MGRN1: variants seen among roughly 807,000 people sequenced by gnomAD.
MGRN1 encodes the protein E3 ubiquitin-protein ligase MGRN1.
MGRN1 carries 29 observed loss-of-function variants against 69.2 expected under a neutral mutation model. The ratio of observed to expected loss-of-function variants is 0.42; its 90% CI spans 0.31 to 0.57. The LOEUF is 0.57. MGRN1 is among the 20% of genes least tolerant of loss of function. The pLI, the probability that MGRN1 is intolerant of heterozygous loss-of-function variation, is 0.15. For synonymous variants in MGRN1, 470 were observed against 344.2 expected (o/e 1.37, Z -4.04); for missense variants, 998 against 796.2 (o/e 1.25, Z -3.05).
chr16:4,665,934 A>G (rs1243485419), intron 7 of MGRN1, among the ~76,000 whole-genome samples: 1 of 150,290 alleles, frequency 6.7e-6, no homozygotes, highest in African/African-American at 2.5e-5. Context: ...GGTTCATGCC[A>G]TTCTCCTCCC....
At chr16:4,652,083 G>T (rs779481137) in intron 3 of MGRN1, 32 bp downstream of exon 3, 1 of 1,599,980 alleles carries the variant, frequency 6.3e-7, no homozygotes, top group Admixed American at 1.7e-5. Flanking sequence ...GGACCCTGTG[G>T]CTCTGTGGGG....
intron 16 of MGRN1, among the ~76,000 whole-genome samples, chr16:4,685,204 T>A (rs1392740262): frequency 6.6e-6 from 1 of 152,108 alleles, no homozygotes; most frequent in Non-Finnish European, 1.5e-5. Context: ...GATTAAAAAC[T>A]TGGGGGGTGA....
At position 4,661,386 on chromosome 16, in the gene MGRN1, C is replaced by G. The variant is rs549945940; in HGVS notation, c.562-3323C>G. On this transcript the variant is annotated intron_variant, in intron 5 of 16. Coordinates refer to ENST00000262370, the MANE Select transcript of MGRN1 (RefSeq NM_015246.4). ...CCCTTTTCTCCTGCACCCTCCAGCCCTCTCCCGGAGGAGGCTGGGTCGGCT... is the reference window on the plus strand; with the variant it reads ...CCCTTTTCTCCTGCACCCTCCAGCCGTCTCCCGGAGGAGGCTGGGTCGGCT... Among the ~76,000 whole-genome samples, 5 of 152,350 alleles carry G rather than the reference C, an allele frequency of 3.3e-5. No homozygotes were observed. In the East Asian group the frequency reaches 5.8e-4, roughly 18 times the overall value.
At chr16:4,627,039 C>T (rs78480794) in intron 1 of MGRN1, among the ~76,000 whole-genome samples, 6,796 of 152,230 alleles carry the variant, frequency 0.045, 325 homozygotes, top group African/African-American at 0.12. Context: ...GCACTGGTTT[C>T]CTAGACTCCC....
intron 12 of MGRN1, chr16:4,680,523 T>TCCCTTGTGCCC (rs2079157295): frequency 5.7e-6 from 1 of 176,116 alleles, no homozygotes; most frequent in East Asian, 1.8e-4. Context: ...TCCTTGGGCT[T>TCCCTTGTGCCC]CCCTTGTGCC....
chr16:4,686,498 G>C (rs1385561405), intron 16 of MGRN1: 1 of 1,384,112 alleles, frequency 7.2e-7, no homozygotes, highest in Non-Finnish European at 9.3e-7. Flanking sequence ...GTGGCCTCCT[G>C]GGGGGTCCTG....
intron 16 of MGRN1, chr16:4,686,980 C>A (rs971710746): frequency 1.0e-6 from 1 of 985,536 alleles, no homozygotes; most frequent in Non-Finnish European, 1.2e-6. Flanking sequence ...TGCGTCCTGT[C>A]CTGAGGGCGT....
intron 5 of MGRN1, among the ~76,000 whole-genome samples, chr16:4,660,326 T>C (rs1420439201): frequency 6.6e-6 from 1 of 152,238 alleles, no homozygotes; most frequent in African/African-American, 2.4e-5. Flanking sequence ...GTGATCAGCA[T>C]GCAAAGGGCT....
In MGRN1 at chr16:4,673,319, C is replaced by T. The variant is rs373383061; in HGVS notation, c.796-179C>T. Reference sequence around the variant, plus strand: ...CCCCCTCTGCCAGGTGCTGAGTTTGCACTGGATTTGAGCCTGGTGATTCTG... The same window carrying T: ...CCCCCTCTGCCAGGTGCTGAGTTTGTACTGGATTTGAGCCTGGTGATTCTG... On this transcript the variant is annotated intron_variant, in intron 9 of 16. Coordinates refer to ENST00000262370, the MANE Select transcript of MGRN1 (RefSeq NM_015246.4). Among the ~76,000 whole-genome samples the T allele has an allele frequency of 1.8e-3, 271 of 152,192 alleles. 2 individuals are homozygous for T. Among genetic ancestry groups the T allele is most frequent in the African/African-American group, 6.5e-3 (268 of 41,506 alleles).
At chr16:4,655,077 C>T (rs969051025) in intron 4 of MGRN1, among the ~76,000 whole-genome samples, 6 of 152,198 alleles carry the variant, frequency 3.9e-5, no homozygotes, top group Non-Finnish European at 5.9e-5. Flanking sequence ...TCCTTGCACC[C>T]CACTGCTTGG....
chr16:4,673,457 C>T, intron 9 of MGRN1, 41 bp from the exon 10 acceptor site: 1 of 1,600,636 alleles, frequency 6.2e-7, no homozygotes, highest in Non-Finnish European at 8.5e-7. Flanking sequence ...CGTACTCTGG[C>T]CTTTGGGAGG....
chr16:4,687,524 A>ACGGGGGGGG, intron 16 of MGRN1: 2 of 980,844 alleles, frequency 2.0e-6, no homozygotes, highest in African/African-American at 1.8e-5. Context: ...AAAAAAATAC[A>ACGGGGGGGG]CACACACCCA....
intron 1 of MGRN1, among the ~76,000 whole-genome samples, chr16:4,645,715 C>T (rs776669192): frequency 6.6e-6 from 1 of 152,120 alleles, no homozygotes; most frequent in African/African-American, 2.4e-5. Flanking sequence ...CTGAGGACTC[C>T]AGGGCCCCGA....
intron 1 of MGRN1, among the ~76,000 whole-genome samples, chr16:4,647,851 TC>T (rs1039372881): frequency 1.3e-5 from 2 of 152,112 alleles, no homozygotes; most frequent in African/African-American, 4.8e-5. Flanking sequence ...GGGCTGCGGC[TC>T]CCAACCACTG....
At chr16:4,686,678 G>A in intron 16 of MGRN1, 2 of 1,063,526 alleles carry the variant, frequency 1.9e-6, no homozygotes, top group African/African-American at 1.7e-5. Flanking sequence ...GATGAGGGCA[G>A]CACCGTGGAG....
At chr16:4,632,902 G>A (rs139892319) in intron 1 of MGRN1, among the ~76,000 whole-genome samples, 1 of 152,148 alleles carries the variant, frequency 6.6e-6, no homozygotes, top group Non-Finnish European at 1.5e-5. Flanking sequence ...GGGCAACACG[G>A]CAAAACCTTG....
At chr16:4,652,849 C>T (rs746432960) in intron 4 of MGRN1, 25 bp downstream of exon 4, 21 of 1,572,546 alleles carry the variant, frequency 1.3e-5, no homozygotes, top group South Asian at 1.0e-4. Flanking sequence ...CGGCTGGCAC[C>T]GGCCTGGCTG....
chr16:4,673,050 G>A (rs1413059538), intron 9 of MGRN1, among the ~76,000 whole-genome samples: 1 of 152,180 alleles, frequency 6.6e-6, no homozygotes, highest in Non-Finnish European at 1.5e-5. Flanking sequence ...ATGTTAGCCA[G>A]GATGGTCTCG....
chr16:4,686,995 T>C (rs776145184), intron 16 of MGRN1: 1 of 985,530 alleles, frequency 1.0e-6, no homozygotes, highest in Non-Finnish European at 1.2e-6. Flanking sequence ...GGGCGTCCGC[T>C]CACACAGCCA....
Sources: allele counts gnomAD v4.1 joint callset (sites outside exome capture counted in the v4.1 genomes callset), GRCh38; gene constraint gnomAD v4.1.1; transcripts MANE v1.5; gene names NCBI Gene and HGNC (gene_info 2026-07-23, HGNC 2026-07-21).